GALNTL6: variants seen among roughly 807,000 people sequenced by gnomAD.
GALNTL6 encodes polypeptide N-acetylgalactosaminyltransferase like 6, also known as polypeptide N-acetylgalactosaminyltransferase-like 6.
A neutral mutation model predicts 73.7 loss-of-function variants in GALNTL6; 46 were observed. The observed-to-expected ratio is 0.62, with a 90% CI of 0.49 to 0.80. The LOEUF is 0.80. Among genes scored for constraint, GALNTL6 ranks in the 30% least tolerant of loss-of-function variants. GALNTL6 has a pLI of 0.00. For missense variants in GALNTL6, 604 were observed against 755.0 expected (o/e 0.80, Z 2.34); for synonymous variants, 259 against 263.7 (o/e 0.98, Z 0.17).
At chr4:172,714,098 C>T (rs1361864080) in intron 5 of GALNTL6, among the ~76,000 whole-genome samples, 1 of 152,124 alleles carries the variant, frequency 6.6e-6, no homozygotes, top group African/African-American at 2.4e-5. Context: ...TGTACGATGA[C>T]AGACTGGTCC....
intron 7 of GALNTL6, among the ~76,000 whole-genome samples, chr4:172,858,163 T>C (rs1744213168): frequency 6.6e-6 from 1 of 152,328 alleles, no homozygotes; most frequent in African/African-American, 2.4e-5. Context: ...TCCCTTTAAC[T>C]AGGCAACTCC....
chr4:172,777,313 A>G (rs1455476340), intron 5 of GALNTL6, among the ~76,000 whole-genome samples: 1 of 152,190 alleles, frequency 6.6e-6, no homozygotes, highest in African/African-American at 2.4e-5. Context: ...AAGATTAGCA[A>G]ATCAAAGATT....
chr4:172,522,665 TCCC>T (rs70944411), intron 5 of GALNTL6, among the ~76,000 whole-genome samples: 110 of 59,376 alleles, frequency 1.9e-3, no homozygotes, highest in African/African-American at 4.7e-3. Context: ...TGAAACTCAG[TCCC>T]CCCCCCCCCC....
intron 5 of GALNTL6, among the ~76,000 whole-genome samples, chr4:172,639,071 G>A (rs1332073261): frequency 1.3e-5 from 2 of 152,086 alleles, no homozygotes; most frequent in African/African-American, 4.8e-5. Flanking sequence ...TGATCATTTG[G>A]TCAAGGTGTT....
At chr4:171,831,339 C>A (rs1734964186) in intron 2 of GALNTL6, among the ~76,000 whole-genome samples, 1 of 151,886 alleles carries the variant, frequency 6.6e-6, no homozygotes, top group African/African-American at 2.4e-5. Flanking sequence ...TTGGTAGAGG[C>A]ATATTAAATG....
chr4:173,037,370 C>G (rs1287685723), intron 12 of GALNTL6, among the ~76,000 whole-genome samples: 1 of 152,158 alleles, frequency 6.6e-6, no homozygotes, highest in Non-Finnish European at 1.5e-5. Flanking sequence ...CAGACATAGA[C>G]AGATGAAGGG....
intron 2 of GALNTL6, among the ~76,000 whole-genome samples, chr4:171,990,053 T>A (rs1740289726): frequency 6.6e-6 from 1 of 151,868 alleles, no homozygotes; most frequent in Non-Finnish European, 1.5e-5. Flanking sequence ...ATAAAAGGAT[T>A]ATAGGGTGGA....
intron 2 of GALNTL6, among the ~76,000 whole-genome samples, chr4:172,000,577 T>G (rs761918430): frequency 7.2e-5 from 11 of 152,110 alleles, no homozygotes; most frequent in Non-Finnish European, 1.3e-4. Context: ...CTGTGCTCTG[T>G]GCATAAGGGA....
chr4:172,263,092 T>A (rs1418733664), intron 3 of GALNTL6, among the ~76,000 whole-genome samples: 1 of 151,538 alleles, frequency 6.6e-6, no homozygotes, highest in Non-Finnish European at 1.5e-5. Flanking sequence ...GATGACCATA[T>A]GTCTAGATGA....
chr4:172,317,498 A>G (rs1740603306), intron 4 of GALNTL6, among the ~76,000 whole-genome samples: 1 of 152,270 alleles, frequency 6.6e-6, no homozygotes, highest in Middle Eastern at 3.4e-3. Context: ...CAGTTATATC[A>G]TGGAGATGTA....
At chr4:172,442,804 A>C (rs1397259068) in intron 5 of GALNTL6, among the ~76,000 whole-genome samples, 1 of 152,096 alleles carries the variant, frequency 6.6e-6, no homozygotes, top group Non-Finnish European at 1.5e-5. Flanking sequence ...TCTAGCAAAA[A>C]TTGTTATTTC....
At chr4:172,754,266 G>A (rs934707020) in intron 5 of GALNTL6, among the ~76,000 whole-genome samples, 1 of 152,070 alleles carries the variant, frequency 6.6e-6, no homozygotes, top group African/African-American at 2.4e-5. Context: ...AAGGAAGAGA[G>A]ACAGAATATA....
chr4:172,807,951 T>C (rs1741064750), intron 5 of GALNTL6, among the ~76,000 whole-genome samples: 1 of 152,204 alleles, frequency 6.6e-6, no homozygotes, highest in African/African-American at 2.4e-5. Context: ...GTCTCCCAAG[T>C]ATCTGGGATT....
chr4:172,363,076 A>G (rs1297703332), intron 5 of GALNTL6, among the ~76,000 whole-genome samples: 1 of 151,922 alleles, frequency 6.6e-6, no homozygotes, highest in Non-Finnish European at 1.5e-5. Flanking sequence ...GTCAAAGTCC[A>G]CCCTCCCTGA....
chr4:172,195,924 G>T (rs772986493), intron 2 of GALNTL6, among the ~76,000 whole-genome samples: 30 of 147,444 alleles, frequency 2.0e-4, no homozygotes, highest in Non-Finnish European at 3.4e-4. Context: ...CAGAAGACAA[G>T]AAATAACTAA....
At chr4:172,131,944 G>A (rs550918886) in intron 2 of GALNTL6, among the ~76,000 whole-genome samples, 17 of 152,108 alleles carry the variant, frequency 1.1e-4, no homozygotes, top group African/African-American at 4.1e-4. Context: ...CAGCTCTCCT[G>A]TTTTGTAGAG....
intron 2 of GALNTL6, among the ~76,000 whole-genome samples, chr4:171,982,317 A>G (rs1579029227): frequency 1.3e-5 from 2 of 152,084 alleles, no homozygotes; most frequent in Non-Finnish European, 2.9e-5. Flanking sequence ...TTTGTTTTTG[A>G]TACGGAGTCT....
intron 5 of GALNTL6, among the ~76,000 whole-genome samples, chr4:172,495,534 C>A (rs915430029): frequency 6.6e-6 from 1 of 152,174 alleles, no homozygotes; most frequent in African/African-American, 2.4e-5. Flanking sequence ...TAGACTCCTC[C>A]CGCTTTTGTC....
intron 2 of GALNTL6, among the ~76,000 whole-genome samples, chr4:171,907,941 T>C (rs912122293): frequency 3.9e-5 from 6 of 152,006 alleles, no homozygotes; most frequent in African/African-American, 1.5e-4. Context: ...TGGCTAGCCA[T>C]ATGTAGAAAG....
Sources: allele counts gnomAD v4.1 joint callset (sites outside exome capture counted in the v4.1 genomes callset), GRCh38; gene constraint gnomAD v4.1.1; transcripts MANE v1.5; gene names NCBI Gene and HGNC (gene_info 2026-07-23, HGNC 2026-07-21).